Variants in DNAH17 observed in about 807,000 individuals in gnomAD.
The protein encoded by DNAH17 is dynein axonemal heavy chain 17, also known as axonemal beta dynein heavy chain 17.
DNAH17 carries 376 observed loss-of-function variants against 485.6 expected under a neutral mutation model. The ratio of observed to expected loss-of-function variants is 0.77; its 90% CI spans 0.71 to 0.84. DNAH17 has a LOEUF of 0.84. DNAH17 is among the 40% of genes least tolerant of loss of function. DNAH17 has a pLI of 0.00. For synonymous variants in DNAH17, 3,031 were observed against 2,405.9 expected (o/e 1.26, Z -7.60); for missense variants, 6,370 against 5,839.3 (o/e 1.09, Z -2.96).
chr17:78,424,731 G>A (rs976329822), intron 80 of DNAH17, among the ~76,000 whole-genome samples: 2 of 152,228 alleles, frequency 1.3e-5, no homozygotes, highest in Admixed American at 6.5e-5. Flanking sequence ...AGGTAATGGG[G>A]TGACGTCAGC....
chr17:78,460,399 A>T (rs527882040), intron 58 of DNAH17, 142 bp from the exon 59 acceptor site: 82 of 659,950 alleles, frequency 1.2e-4, no homozygotes, highest in Non-Finnish European at 1.9e-4. Flanking sequence ...TATGTGCATG[A>T]GTGTATGTGT....
intron 9 of DNAH17, among the ~76,000 whole-genome samples, 192 bp from the exon 10 acceptor site, chr17:78,567,358 A>G (rs2092284497): frequency 6.6e-6 from 1 of 151,976 alleles, no homozygotes; most frequent in African/African-American, 2.4e-5. Flanking sequence ...CCCCTGCAGA[A>G]AGAGGGGATG....
intron 22 of DNAH17, among the ~76,000 whole-genome samples, chr17:78,527,525 G>A (rs996120728): frequency 3.3e-5 from 5 of 152,032 alleles, no homozygotes; most frequent in Non-Finnish European, 7.4e-5. Flanking sequence ...GTGGGTGTGG[G>A]TGTGGTCTCC....
chr17:78,530,201 G>A, intron 21 of DNAH17, 142 bp downstream of exon 21: 1 of 937,906 alleles, frequency 1.1e-6, no homozygotes, highest in Non-Finnish European at 1.5e-6. Context: ...CGCTTGGTGG[G>A]GTAGTTGGCC....
intron 44 of DNAH17, among the ~76,000 whole-genome samples, chr17:78,487,673 C>T (rs1451811370): frequency 6.6e-6 from 1 of 152,152 alleles, no homozygotes; most frequent in Non-Finnish European, 1.5e-5. Context: ...CACAGGCGTG[C>T]ACCATCACAC....
chr17:78,430,496 C>A (rs1216381928), intron 75 of DNAH17, among the ~76,000 whole-genome samples: 1 of 152,130 alleles, frequency 6.6e-6, no homozygotes, highest in Non-Finnish European at 1.5e-5. Flanking sequence ...CATCAAATAC[C>A]AGTGGGAGTT....
At chr17:78,501,964 C>T (rs1340403006) in intron 33 of DNAH17, 91 bp from the exon 34 acceptor site, 9 of 1,532,560 alleles carry the variant, frequency 5.9e-6, no homozygotes, top group Non-Finnish European at 8.0e-6. Context: ...GCATAGGGAA[C>T]ACCACCATGC....
At chr17:78,453,572 G>T in intron 64 of DNAH17, 107 bp from the exon 65 acceptor site, 1 of 1,445,952 alleles carries the variant, frequency 6.9e-7, no homozygotes, top group Non-Finnish European at 9.3e-7. Context: ...AGCGCCAAGC[G>T]AGGGGTGACC....
chr17:78,575,193 G>T, intron 1 of DNAH17, 111 bp from the exon 2 acceptor site: 1 of 788,850 alleles, frequency 1.3e-6, no homozygotes, highest in Non-Finnish European at 2.0e-6. Flanking sequence ...GAACAAAACA[G>T]TTGGTCGAGA....
At chr17:78,513,965 T>C (rs757615720) in intron 26 of DNAH17, among the ~76,000 whole-genome samples, 8 of 152,128 alleles carry the variant, frequency 5.3e-5, no homozygotes, top group Non-Finnish European at 1.2e-4. Flanking sequence ...CAGTGTTGGC[T>C]GAGAGAGGGG....
rs884714 is a variant in DNAH17, at chr17:78,529,393, T to G, written c.3507+79A>C. 836,599 of 1,391,228 alleles carry G rather than the reference T, an allele frequency of 0.6. 253,059 individuals are homozygous for G. The highest frequency in any genetic ancestry group is 0.64 in the Middle Eastern group (3,557 of 5,534). The allele number at this position is 1,391,228 out of a possible 1,614,324, so 86.2% of individuals were successfully genotyped here. ...CCCACAGCATCCCCCATGGTTGCGT[T>G]TGATGGGCTGGTCCATGGTCGCGGC... is the stretch of plus-strand genomic sequence containing the variant. On this transcript the variant is annotated intron_variant, in intron 22 of 80. Transcript: ENST00000389840.
intron 75 of DNAH17, among the ~76,000 whole-genome samples, chr17:78,431,327 C>T (rs1402559230): frequency 2.6e-5 from 4 of 152,224 alleles, no homozygotes; most frequent in African/African-American, 9.6e-5. Flanking sequence ...TCTGTGTCTC[C>T]CGAGAGGCAG....
chr17:78,433,564 T>G (rs2086754261), intron 75 of DNAH17, among the ~76,000 whole-genome samples: 1 of 152,124 alleles, frequency 6.6e-6, no homozygotes, highest in Non-Finnish European at 1.5e-5. Flanking sequence ...AGGTTTTTTG[T>G]CCCTCCTGCT....
chr17:78,560,919 C>CTGCTCCAGACA lies in DNAH17; in HGVS notation c.1841_1851dup (p.Glu618CysfsTer8), dbSNP rs2092140079. The CTGCTCCAGACA allele has an allele frequency of 6.5e-7, 1 of 1,549,802 alleles. No individual in the cohort carries two copies. The highest frequency in any genetic ancestry group is 1.4e-5 in the African/African-American group (1 of 73,046). The stretch of plus-strand genomic sequence containing the variant: ...TACTTCTGATAGGTCAGCTTGGCCT[C>CTGCTCCAGACA]TGCTCCAGACATGACCCTGGAATCA... On this transcript the variant is annotated frameshift_variant, in exon 13 of 81. Transcript: ENST00000389840. LOFTEE classifies it high-confidence loss of function.
chr17:78,481,950 G>A (rs762280579), intron 48 of DNAH17, among the ~76,000 whole-genome samples: 1 of 152,106 alleles, frequency 6.6e-6, no homozygotes, highest in African/African-American at 2.4e-5. Context: ...GGGAGGTGGA[G>A]GCTGCAGTGA....
intron 24 of DNAH17, among the ~76,000 whole-genome samples, chr17:78,525,628 G>A (rs1282380196): frequency 6.6e-6 from 1 of 152,240 alleles, no homozygotes; most frequent in Non-Finnish European, 1.5e-5. Context: ...GTGTTTGCGT[G>A]GACACGTAAC....
chr17:78,549,256 T>C (rs1005303297), intron 16 of DNAH17, among the ~76,000 whole-genome samples: 10 of 152,026 alleles, frequency 6.6e-5, no homozygotes, highest in Non-Finnish European at 1.3e-4. Flanking sequence ...TAGTGTCCTT[T>C]AAGCAGAGAA....
At chr17:78,504,356 C>T (rs1166556857) in intron 31 of DNAH17, among the ~76,000 whole-genome samples, 4 of 152,176 alleles carry the variant, frequency 2.6e-5, no homozygotes, top group African/African-American at 2.4e-5. Flanking sequence ...TGAGCTACCG[C>T]GCCCGGCCAG....
At chr17:78,525,869 C>T (rs545025303) in intron 24 of DNAH17, among the ~76,000 whole-genome samples, 85 of 152,344 alleles carry the variant, frequency 5.6e-4, no homozygotes, top group African/African-American at 1.8e-3. Flanking sequence ...GAGGAAAGGT[C>T]GGATTGGAGC....
Sources: allele counts gnomAD v4.1 joint callset (sites outside exome capture counted in the v4.1 genomes callset), GRCh38; gene constraint gnomAD v4.1.1; transcripts MANE v1.5; gene names NCBI Gene and HGNC (gene_info 2026-07-23, HGNC 2026-07-21).